PMFBP1: variants seen among roughly 807,000 people sequenced by gnomAD.
PMFBP1 encodes polyamine modulated factor 1 binding protein 1, also known as polyamine-modulated factor 1-binding protein 1.
PMFBP1 carries 131 observed loss-of-function variants against 137.8 expected under a neutral mutation model. The observed-to-expected ratio is 0.95, with a 90% CI of 0.82 to 1.10. The LOEUF (loss-of-function observed/expected upper bound fraction) is 1.10. Among genes scored for constraint, PMFBP1 ranks in the 50% least tolerant of loss-of-function variants. PMFBP1 has a pLI of 0.00. For synonymous variants in PMFBP1, 490 were observed against 450.4 expected, an observed-to-expected ratio of 1.09 and a Z score of -1.11; for missense variants, 1,199 against 1,175.4, an observed-to-expected ratio of 1.02 and a Z score of -0.29.
chr16:72,195,357 G>C, the PMFBP1 span, among the ~76,000 whole-genome samples: 10 of 152,038 alleles, frequency 6.6e-5, no homozygotes, highest in African/African-American at 2.4e-4. Context: ...CTACACTGAA[G>C]TCTGACGGCT....
At chr16:72,149,641 G>C (rs1264888711) in intron 5 of PMFBP1, among the ~76,000 whole-genome samples, 1 of 152,062 alleles carries the variant, frequency 6.6e-6, no homozygotes, top group Non-Finnish European at 1.5e-5. Context: ...TGGCTAACAC[G>C]GCGAAACCAT....
intron 15 of PMFBP1, 128 bp downstream of exon 15, chr16:72,125,840 C>A: frequency 5.0e-6 from 6 of 1,195,892 alleles, no homozygotes; most frequent in Admixed American, 2.5e-5. Flanking sequence ...GACATCCCAG[C>A]CCACACAAGG....
At chr16:72,141,228 C>T (rs935027348) in intron 5 of PMFBP1, among the ~76,000 whole-genome samples, 1 of 152,174 alleles carries the variant, frequency 6.6e-6, no homozygotes, top group African/African-American at 2.4e-5. Context: ...TGAGCTACCA[C>T]ATCCGGTGGA....
At chr16:72,138,296 T>C (rs1193669598) in intron 7 of PMFBP1, among the ~76,000 whole-genome samples, 4 of 152,182 alleles carry the variant, frequency 2.6e-5, no homozygotes, top group Admixed American at 6.6e-5. Flanking sequence ...GAGAACCCCT[T>C]GGGGAGCTGA....
upstream of PMFBP1, among the ~76,000 whole-genome samples, chr16:72,181,277 T>A (rs2043275807): frequency 6.6e-6 from 1 of 151,396 alleles, no homozygotes; most frequent in African/African-American, 2.4e-5. Flanking sequence ...TAAATTAAAT[T>A]AAATACTCGA....
chr16:72,199,546 C>G, the PMFBP1 span, among the ~76,000 whole-genome samples: 2 of 149,080 alleles, frequency 1.3e-5, no homozygotes, highest in Non-Finnish European at 3.0e-5. Flanking sequence ...CCCAGCTACT[C>G]GGGAGGCTGA....
chr16:72,171,328 A>G, intron 1 of PMFBP1, 60 bp from the exon 2 acceptor site: 1 of 1,201,260 alleles, frequency 8.3e-7, no homozygotes, highest in Non-Finnish European at 1.2e-6. Flanking sequence ...CCCTTTAAAG[A>G]TTTTCCCAGC....
chr16:72,243,134 C>T, the PMFBP1 span, among the ~76,000 whole-genome samples: 1 of 152,168 alleles, frequency 6.6e-6, no homozygotes, highest in African/African-American at 2.4e-5. Flanking sequence ...CCCAAGGGGC[C>T]CAGATCAAAG....
the PMFBP1 span, among the ~76,000 whole-genome samples, chr16:72,226,599 C>G: frequency 6.6e-6 from 1 of 152,096 alleles, no homozygotes; most frequent in African/African-American, 2.4e-5. Context: ...ATTTTAATTT[C>G]AGAATTGTTT....
intron 5 of PMFBP1, among the ~76,000 whole-genome samples, chr16:72,143,666 C>A (rs2042758352): frequency 6.6e-6 from 1 of 151,888 alleles, no homozygotes; most frequent in Admixed American, 6.6e-5. Flanking sequence ...TTGCTTGAAC[C>A]CAAGAGGCGG....
the PMFBP1 span, among the ~76,000 whole-genome samples, chr16:72,201,719 G>A: frequency 6.6e-6 from 1 of 152,046 alleles, no homozygotes; most frequent in South Asian, 2.1e-4. Flanking sequence ...CCAGAAAAGG[G>A]CTAATATTGA....
intron 5 of PMFBP1, among the ~76,000 whole-genome samples, chr16:72,146,023 A>G (rs542739514): frequency 1.3e-5 from 2 of 152,330 alleles, no homozygotes; most frequent in African/African-American, 4.8e-5. Context: ...TCCCTAACTC[A>G]TTTTAAAAGG....
chr16:72,143,624 T>G lies in PMFBP1; in HGVS notation c.637-3042A>C, dbSNP rs1424971156. Among the ~76,000 whole-genome samples the G allele has an allele frequency of 2.0e-5, 3 of 152,174 alleles. No individual in the cohort carries two copies. In the East Asian group the frequency reaches 5.8e-4, roughly 29 times the overall value. ...TGTCTGTGGTGGCACGTGCCTGTAG[T>G]CCCAGCTACTTGGAAGGCTGAGGCA... On this transcript the variant is annotated intron_variant, in intron 5 of 20. Coordinates refer to ENST00000237353, the MANE Select transcript of PMFBP1 (RefSeq NM_031293.3).
At chr16:72,162,329 G>C (rs2043074204) in intron 3 of PMFBP1, among the ~76,000 whole-genome samples, 1 of 152,128 alleles carries the variant, frequency 6.6e-6, no homozygotes, top group African/African-American at 2.4e-5. Context: ...CCTGGGATTG[G>C]GAGCATAACG....
At chr16:72,203,721 T>G in the PMFBP1 span, among the ~76,000 whole-genome samples, 1 of 152,214 alleles carries the variant, frequency 6.6e-6, no homozygotes, top group Non-Finnish European at 1.5e-5. Flanking sequence ...TTCAAGCCAC[T>G]CCTGAAAGCT....
chr16:72,199,821 AT>A, the PMFBP1 span, among the ~76,000 whole-genome samples: 1 of 152,128 alleles, frequency 6.6e-6, no homozygotes, highest in African/African-American at 2.4e-5. Flanking sequence ...CATTGTTCTA[AT>A]GCTGCACTGG....
At chr16:72,246,698 G>C in the PMFBP1 span, among the ~76,000 whole-genome samples, 2 of 151,974 alleles carry the variant, frequency 1.3e-5, no homozygotes, top group Non-Finnish European at 2.9e-5. Context: ...TCGCTGTATA[G>C]GATAATGATT....
upstream of PMFBP1, among the ~76,000 whole-genome samples, chr16:72,177,094 A>G (rs1028446622): frequency 9.2e-5 from 14 of 152,036 alleles, no homozygotes; most frequent in African/African-American, 3.1e-4. Flanking sequence ...ATTTTGGAAA[A>G]TTTCCCATTT....
chr16:72,127,203 C>T (rs763227624), intron 14 of PMFBP1, among the ~76,000 whole-genome samples: 2 of 152,198 alleles, frequency 1.3e-5, no homozygotes, highest in Non-Finnish European at 2.9e-5. Context: ...CTGATCAGTG[C>T]TTCAAGTTTA....
Sources: gnomAD v4.1 joint callset for allele counts (sites outside exome capture counted in the v4.1 genomes callset) on GRCh38, gnomAD v4.1.1 for gene constraint, MANE v1.5 for transcripts, NCBI Gene and HGNC (gene_info 2026-07-23, HGNC 2026-07-21) for gene names.